The following ACSS3 variants were observed in gnomAD, a reference collection of about 807,000 sequenced individuals.
The protein encoded by ACSS3 is acyl-CoA synthetase short chain family member 3.
Under a neutral mutation model 84.2 loss-of-function variants are expected in ACSS3, and 64 were observed. The observed-to-expected ratio is 0.76, with a 90% CI of 0.62 to 0.94. ACSS3 has a LOEUF of 0.94. Among genes scored for constraint, ACSS3 ranks in the 40% least tolerant of loss-of-function variants. The pLI is 0.00. For synonymous variants in ACSS3, 317 were observed against 310.1 expected (o/e 1.02, Z -0.23); for missense variants, 815 against 867.6 (o/e 0.94, Z 0.76).
intron 1 of ACSS3, among the ~76,000 whole-genome samples, chr12:81,088,449 C>T (rs371876857): frequency 6.6e-6 from 1 of 151,882 alleles, no homozygotes; most frequent in Non-Finnish European, 1.5e-5. Context: ...AAATAGCTAA[C>T]CTTTTTATTA....
In ACSS3 at chr12:81,078,103, C is replaced by T. The variant is rs1880727548; in HGVS notation, c.-18C>T. The stretch of plus-strand genomic sequence containing the variant: ...TACCATTTGTCGCACACTCGGGGAC[C>T]GCGGGTGGCCGGAGGAGATGAAACC... On this transcript the variant is annotated 5_prime_UTR_variant, in exon 1 of 16. Transcript: ENST00000548058. 3.4e-6 allele frequency: 5 copies of T among 1,461,596 alleles called. No homozygotes were observed. Among genetic ancestry groups the T allele is most frequent in the African/African-American group, 1.4e-5 (1 of 69,840 alleles). 90.5% of individuals were successfully genotyped at this position (1,461,596 alleles called of 1,614,324 possible).
intron 8 of ACSS3, among the ~76,000 whole-genome samples, chr12:81,182,834 C>G (rs76054272): frequency 6.6e-6 from 1 of 152,236 alleles, no homozygotes; most frequent in Non-Finnish European, 1.5e-5. Flanking sequence ...CATTCTCTTT[C>G]CCTTTCCACT....
intron 7 of ACSS3, among the ~76,000 whole-genome samples, chr12:81,172,794 G>T (rs982063139): frequency 1.3e-5 from 2 of 152,050 alleles, no homozygotes; most frequent in African/African-American, 4.8e-5. Context: ...CTTGTAGGTG[G>T]TCTTACATGG....
chr12:81,228,807 A>G (rs1254805086), intron 11 of ACSS3, among the ~76,000 whole-genome samples: 1 of 151,870 alleles, frequency 6.6e-6, no homozygotes, highest in Non-Finnish European at 1.5e-5. Context: ...GATTGCAAAC[A>G]GTTAGGAGTC....
intron 4 of ACSS3, among the ~76,000 whole-genome samples, chr12:81,140,397 T>G (rs573210230): frequency 2.6e-5 from 4 of 152,310 alleles, no homozygotes; most frequent in Non-Finnish European, 5.9e-5. Context: ...GATTAAATTT[T>G]TTTTTTTGCA....
chr12:81,240,264 C>G (rs781557895), intron 13 of ACSS3, among the ~76,000 whole-genome samples: 1 of 151,868 alleles, frequency 6.6e-6, no homozygotes, highest in Non-Finnish European at 1.5e-5. Context: ...GATCATCATG[C>G]CTTCTCGGGT....
chr12:81,158,928 A>T (rs1346708684), intron 7 of ACSS3, among the ~76,000 whole-genome samples: 1 of 152,176 alleles, frequency 6.6e-6, no homozygotes, highest in African/African-American at 2.4e-5. Context: ...GGAAGGAGTC[A>T]TCTGAGTTTG....
intron 8 of ACSS3, among the ~76,000 whole-genome samples, chr12:81,197,447 T>C (rs544652067): frequency 1.3e-5 from 2 of 152,286 alleles, no homozygotes; most frequent in South Asian, 4.1e-4. Context: ...GTGGCCCATC[T>C]TCTGTTGAAG....
At chr12:81,163,330 A>C (rs1887245320) in intron 7 of ACSS3, among the ~76,000 whole-genome samples, 1 of 152,172 alleles carries the variant, frequency 6.6e-6, no homozygotes, top group African/African-American at 2.4e-5. Flanking sequence ...TGGAGCTGGA[A>C]ATTTCCTATC....
intron 2 of ACSS3, among the ~76,000 whole-genome samples, chr12:81,115,543 C>T (rs994046094): frequency 2.6e-5 from 4 of 152,158 alleles, no homozygotes; most frequent in Middle Eastern, 6.8e-3. Flanking sequence ...TCAAGCAATC[C>T]TCCCGTCTCA....
chr12:81,196,689 A>G (rs2031849189), intron 8 of ACSS3, among the ~76,000 whole-genome samples: 1 of 152,082 alleles, frequency 6.6e-6, no homozygotes. Flanking sequence ...CAAATGCCAC[A>G]TCTGCTTCTT....
rs1204730906 is a variant in ACSS3 at position 81,109,541 on chromosome 12, C to T, written c.312-19C>T. 1 of 1,598,962 alleles carries T rather than the reference C, an allele frequency of 6.3e-7. No individual in the cohort carries two copies. Among genetic ancestry groups the T allele is most frequent in the Non-Finnish European group, 8.5e-7 (1 of 1,174,692 alleles). Reference sequence around the variant, plus strand: ...TTTTTAAAGCCATCATTCACCTTTACTTTCCAATTATTTTTCAGGTTTGTG... The same window carrying T: ...TTTTTAAAGCCATCATTCACCTTTATTTTCCAATTATTTTTCAGGTTTGTG... On this transcript the variant is annotated intron_variant, in intron 1 of 15. Coordinates refer to ENST00000548058, the MANE Select transcript of ACSS3 (RefSeq NM_024560.4).
chr12:81,124,132 C>T (rs1356444735), intron 2 of ACSS3, among the ~76,000 whole-genome samples: 1 of 152,164 alleles, frequency 6.6e-6, no homozygotes, highest in Non-Finnish European at 1.5e-5. Flanking sequence ...CCCTTTTCTC[C>T]ACAGCCTTGC....
intron 9 of ACSS3, among the ~76,000 whole-genome samples, chr12:81,205,839 C>T (rs1391041625): frequency 6.6e-6 from 1 of 152,096 alleles, no homozygotes; most frequent in African/African-American, 2.4e-5. Flanking sequence ...GTTATTTTTA[C>T]ACTTTTTAAA....
rs1456550931 is a variant in ACSS3 at position 81,253,376 on chromosome 12, G to T, written c.1789G>T (p.Val597Phe). 6.2e-7 allele frequency: 1 copy of T among 1,613,922 alleles called. No homozygotes were observed. The highest frequency in any genetic ancestry group is 8.5e-7 in the Non-Finnish European group (1 of 1,179,880). ...VGKEDPLKGHVPLALCVLRKD... is the reference protein window; with the variant it reads ...VGKEDPLKGHFPLALCVLRKD... ...CAAGGAAGATCCCTTAAAAGGTCAT[G>T]TCCCCTTAGCACTCTGTGTATTGAG... The change falls in exon 14 of 16, where the codon GTC (valine) becomes TTC (phenylalanine). Residue 597 changes from valine to phenylalanine, a missense_variant. Val to Phe is a conservative substitution (Grantham distance 50, BLOSUM62 -1). Coordinates refer to ENST00000548058, the MANE Select transcript of ACSS3 (RefSeq NM_024560.4).
chr12:81,083,159 C>G (rs565949714), intron 1 of ACSS3, among the ~76,000 whole-genome samples: 4 of 152,248 alleles, frequency 2.6e-5, no homozygotes, highest in South Asian at 4.1e-4. Context: ...GACTTACTTT[C>G]AGAAAATAGT....
intron 8 of ACSS3, among the ~76,000 whole-genome samples, chr12:81,195,259 T>C (rs1266102216): frequency 6.6e-6 from 1 of 152,028 alleles, no homozygotes; most frequent in Non-Finnish European, 1.5e-5. Context: ...GAATAACATA[T>C]GATTAAAAAC....
intron 7 of ACSS3, among the ~76,000 whole-genome samples, chr12:81,157,933 C>T (rs1166043480): frequency 4.2e-5 from 2 of 47,250 alleles, no homozygotes; most frequent in African/African-American, 1.3e-4. Context: ...TTACAGAATA[C>T]ACACACACAC....
chr12:81,176,980 G>C (rs767771148), intron 8 of ACSS3, among the ~76,000 whole-genome samples: 1 of 152,088 alleles, frequency 6.6e-6, no homozygotes, highest in Non-Finnish European at 1.5e-5. Flanking sequence ...GATCAAGTAG[G>C]CTTTACTCCT....
Sources: allele counts gnomAD v4.1 joint callset (sites outside exome capture counted in the v4.1 genomes callset), GRCh38; gene constraint gnomAD v4.1.1; transcripts MANE v1.5; gene names NCBI Gene and HGNC (gene_info 2026-07-23, HGNC 2026-07-21).